The following ADGRV1 variants were observed in gnomAD, a reference collection of about 807,000 sequenced individuals.
The protein encoded by ADGRV1 is G-protein coupled receptor 98.
A neutral mutation model predicts 596.2 loss-of-function variants in ADGRV1; 359 were observed. That is an observed-to-expected ratio of 0.60 (90% confidence interval 0.55 to 0.66). The LOEUF is 0.66. ADGRV1 is among the 30% of genes least tolerant of loss of function. The pLI is 0.00. For synonymous variants in ADGRV1, 2,681 were observed against 2,679.2 expected, an observed-to-expected ratio of 1.00 and a Z score of -0.02; for missense variants, 7,274 against 7,575.6, an observed-to-expected ratio of 0.96 and a Z score of 1.48.
chr5:90,745,525 A>G, intron 51 of ADGRV1, 66 bp from the exon 52 acceptor site: 1 of 1,038,728 alleles, frequency 9.6e-7, no homozygotes, highest in Non-Finnish European at 1.4e-6. Context: ...TGTAATGAGT[A>G]GTCTACTATG....
intron 87 of ADGRV1, among the ~76,000 whole-genome samples, chr5:91,147,857 G>C (rs1795686816): frequency 1.3e-5 from 2 of 152,188 alleles, no homozygotes; most frequent in African/African-American, 4.8e-5. Flanking sequence ...ATGTGGAAAA[G>C]TGTGGAACTT....
At chr5:90,565,172 GGTT>G (rs1445916765) in intron 1 of ADGRV1, among the ~76,000 whole-genome samples, 1 of 152,218 alleles carries the variant, frequency 6.6e-6, no homozygotes, top group African/African-American at 2.4e-5. Context: ...GGGAGACAGA[GGTT>G]GCAGTGAGCT....
intron 73 of ADGRV1, 141 bp from the exon 74 acceptor site, chr5:90,810,092 T>C: frequency 1.5e-6 from 1 of 676,438 alleles, no homozygotes; most frequent in South Asian, 2.1e-5. Context: ...TAAATAGGGT[T>C]TGATGGAATT....
chr5:90,999,323 T>G (rs1482133941), intron 85 of ADGRV1, among the ~76,000 whole-genome samples: 1 of 152,042 alleles, frequency 6.6e-6, no homozygotes, highest in African/African-American at 2.4e-5. Flanking sequence ...CCATCTACAA[T>G]AATAGTACAG....
intron 76 of ADGRV1, among the ~76,000 whole-genome samples, chr5:90,826,228 T>TACA (rs1408475511): frequency 6.6e-6 from 1 of 152,210 alleles, no homozygotes; most frequent in African/African-American, 2.4e-5. Context: ...ATATACACAA[T>TACA]ACATGTTCTG....
At chr5:90,776,365 G>A (rs1311631408) in intron 60 of ADGRV1, 88 bp from the exon 61 acceptor site, 2 of 1,202,414 alleles carry the variant, frequency 1.7e-6, no homozygotes, top group Non-Finnish European at 2.4e-6. Flanking sequence ...CTAGATTCCT[G>A]TGTGTAAAGT....
Position 90,754,431 on chromosome 5 carries a change from A to G in ADGRV1, c.11378-552A>G, listed in dbSNP as rs375566842. Among the ~76,000 whole-genome samples, 56 of 152,288 alleles carry G rather than the reference A, an allele frequency of 3.7e-4. 1 individual carries two copies. The Middle Eastern group carries it at 0.01, about 28-fold the overall frequency. On this transcript the variant is annotated intron_variant, in intron 54 of 89. Coordinates refer to ENST00000405460, the MANE Select transcript of ADGRV1 (RefSeq NM_032119.4). The stretch of plus-strand genomic sequence containing the variant: ...TTGAATAGTCAATGGGAAAAATACA[A>G]CATGTGGTTATGTTCCTGGGTCTTT...
chr5:90,649,342 T>C (rs1307625425), intron 17 of ADGRV1, among the ~76,000 whole-genome samples: 3 of 152,106 alleles, frequency 2.0e-5, no homozygotes, highest in Admixed American at 2.0e-4. Flanking sequence ...CTTGATGACA[T>C]TTATTAACTT....
chr5:90,847,298 T>C (rs927663609), intron 78 of ADGRV1, among the ~76,000 whole-genome samples: 5 of 152,040 alleles, frequency 3.3e-5, no homozygotes, highest in African/African-American at 7.2e-5. Context: ...AGAGTGCCTA[T>C]TGGTGCATTC....
intron 34 of ADGRV1, 148 bp from the exon 35 acceptor site, chr5:90,703,517 T>G: frequency 1.8e-6 from 1 of 556,406 alleles, no homozygotes. Flanking sequence ...TGTATAAAGA[T>G]TCTAGAAAAT....
chr5:90,992,890 A>T (rs1255057320), intron 85 of ADGRV1, among the ~76,000 whole-genome samples: 3 of 152,150 alleles, frequency 2.0e-5, no homozygotes, highest in African/African-American at 7.2e-5. Flanking sequence ...TTAAACTTAT[A>T]GAAAAATTGC....
At chr5:90,960,304 T>C (rs1256627014) in intron 83 of ADGRV1, among the ~76,000 whole-genome samples, 1 of 152,034 alleles carries the variant, frequency 6.6e-6, no homozygotes, top group East Asian at 1.9e-4. Flanking sequence ...ACCTATTAAG[T>C]CAAATACTCT....
chr5:90,788,218 G>A lies in ADGRV1; in HGVS notation c.13801G>A (p.Glu4601Lys). 1 of 1,613,682 alleles carries A rather than the reference G, an allele frequency of 6.2e-7. No individual in the cohort carries two copies. The highest frequency in any genetic ancestry group is 8.5e-7 in the Non-Finnish European group (1 of 1,179,644). ...TIILTIYPHE[E>K]IEVEETFIIK... Reference sequence around the variant, plus strand: ...AATTCTGACAATCTATCCTCATGAAGAAATTGAAGTTGAAGAGACATTCAT... The same window carrying A: ...AATTCTGACAATCTATCCTCATGAAAAAATTGAAGTTGAAGAGACATTCAT... Residue 4601 changes from glutamate (E) to lysine (K), a missense_variant, in exon 68 of 90, where the codon GAA (glutamate) becomes AAA (lysine). Glu to Lys is a moderately conservative substitution (Grantham distance 56). Coordinates refer to ENST00000405460, the MANE Select transcript of ADGRV1 (RefSeq NM_032119.4).
At chr5:91,084,382 G>GA (rs1328633725) in intron 86 of ADGRV1, among the ~76,000 whole-genome samples, 5 of 151,838 alleles carry the variant, frequency 3.3e-5, no homozygotes, top group African/African-American at 9.7e-5. Context: ...AAATTTATAA[G>GA]AAAAAAACAA....
chr5:90,657,047 C>CT lies in ADGRV1; in HGVS notation c.4379-855dup, dbSNP rs761646437. 3.3e-5 allele frequency among the ~76,000 whole-genome samples: 5 copies of CT among 151,978 alleles called. No homozygotes were observed. In the South Asian group the frequency reaches 6.2e-4, roughly 19 times the overall value. On this transcript the variant is annotated intron_variant, in intron 20 of 89. Transcript: ENST00000405460. ...AAATACTTCTTATGAATTCTCACAA[C>CT]TTTAACTCAATGAGTGTCTAACATA...
At chr5:90,582,267 C>T (rs186201087) in intron 1 of ADGRV1, among the ~76,000 whole-genome samples, 19 of 152,192 alleles carry the variant, frequency 1.2e-4, no homozygotes, top group African/African-American at 4.6e-4. Context: ...CCTCAATGAT[C>T]TGTCTAACAC....
intron 1 of ADGRV1, among the ~76,000 whole-genome samples, chr5:90,569,027 G>A (rs1394854614): frequency 2.6e-5 from 4 of 152,122 alleles, no homozygotes; most frequent in Admixed American, 1.3e-4. Flanking sequence ...ACTTGGCTCT[G>A]GTATCTGGCA....
chr5:90,689,832 T>A, intron 29 of ADGRV1, 29 bp from the exon 30 acceptor site: 1 of 1,498,280 alleles, frequency 6.7e-7, no homozygotes, highest in Admixed American at 1.8e-5. Flanking sequence ...ATTTTAGAAG[T>A]CTTAACATTT....
chr5:91,147,381 T>C (rs955837222), intron 87 of ADGRV1, among the ~76,000 whole-genome samples: 3 of 152,140 alleles, frequency 2.0e-5, no homozygotes, highest in Non-Finnish European at 4.4e-5. Context: ...ATGGTTTGGT[T>C]CTATGTCCCC....
Sources: gnomAD v4.1 joint callset for allele counts (sites outside exome capture counted in the v4.1 genomes callset) on GRCh38, gnomAD v4.1.1 for gene constraint, MANE v1.5 for transcripts, NCBI Gene and HGNC (gene_info 2026-07-23, HGNC 2026-07-21) for gene names.